The following ACTN2 variants were observed in gnomAD, a reference collection of about 807,000 sequenced individuals.
ACTN2 encodes alpha-actinin-2.
ACTN2 carries 39 observed loss-of-function variants against 113.8 expected under a neutral mutation model. The observed-to-expected ratio is 0.34, with a 90% CI of 0.27 to 0.45. The LOEUF (loss-of-function observed/expected upper bound fraction) is 0.45, where lower values mean the gene tolerates loss of function less well. Among genes scored for constraint, ACTN2 ranks in the 20% least tolerant of loss-of-function variants. The pLI, the probability that ACTN2 is intolerant of heterozygous loss-of-function variation, is 1.00. For missense variants in ACTN2, 992 were observed against 1,177.9 expected (o/e 0.84, Z 2.31); for synonymous variants, 429 against 444.1 (o/e 0.97, Z 0.43).
intron 1 of ACTN2, among the ~76,000 whole-genome samples, chr1:236,715,199 C>A (rs373370008): frequency 1.3e-5 from 2 of 149,974 alleles, no homozygotes; most frequent in Admixed American, 1.3e-4. Flanking sequence ...GGTACATGTG[C>A]ACAACGTGTA....
In ACTN2 at chr1:236,709,253, T is replaced by TACACAC. The variant is rs376883077; in HGVS notation, c.127-8604_127-8603insCACACA. Among the ~76,000 whole-genome samples the TACACAC allele has an allele frequency of 4.7e-3, 330 of 70,156 alleles. 1 individual carries two copies. The highest frequency in any genetic ancestry group is 0.022 in the East Asian group (60 of 2,746). The allele number at this position is 70,156 out of a possible 152,430, so 46.0% of individuals were successfully genotyped here. A position where few individuals can be genotyped will look rare whatever the true frequency, so the allele number is the denominator to read the frequency against. On this transcript the variant is annotated intron_variant, in intron 1 of 20. Coordinates refer to ENST00000366578, the MANE Select transcript of ACTN2 (RefSeq NM_001103.4). Reference sequence around the variant, plus strand: ...ATATATATATATATATATATATATATATACACACACACACACACATATATA... The same window carrying TACACAC: ...ATATATATATATATATATATATATATACACACATACACACACACACACACATATATA...
chr1:236,727,581 C>A, intron 5 of ACTN2, 97 bp from the exon 6 acceptor site: 1 of 1,311,034 alleles, frequency 7.6e-7, no homozygotes, highest in South Asian at 1.2e-5. Context: ...TGCATGAAGT[C>A]AGACAGAAGG....
chr1:236,712,470 T>C (rs1201079435), intron 1 of ACTN2, among the ~76,000 whole-genome samples: 1 of 152,178 alleles, frequency 6.6e-6, no homozygotes, highest in East Asian at 1.9e-4. Flanking sequence ...AAATTGACCT[T>C]CTCTGGATTT....
At chr1:236,752,935 C>A (rs1049559552) in intron 15 of ACTN2, among the ~76,000 whole-genome samples, 1 of 152,084 alleles carries the variant, frequency 6.6e-6, no homozygotes, top group South Asian at 2.1e-4. Context: ...TTAAAGAAAA[C>A]AAAAAGACAA....
At chr1:236,704,687 G>A (rs1179666069) in intron 1 of ACTN2, among the ~76,000 whole-genome samples, 2 of 152,162 alleles carry the variant, frequency 1.3e-5, no homozygotes, top group East Asian at 3.9e-4. Flanking sequence ...ATGGGGGAAA[G>A]GGGTGCATAG....
In ACTN2 at chr1:236,754,673, G is replaced by T. The variant is rs1659500680; in HGVS notation, c.1975-346G>T. On this transcript the variant is annotated intron_variant, in intron 16 of 20. Coordinates refer to ENST00000366578, the MANE Select transcript of ACTN2 (RefSeq NM_001103.4). This position sits in a 1 kb window ranked among gnomAD's most constrained non-coding sequence, Gnocchi z 4.9. ...CAATCTGTCTGGCAGCTCCACCCAG[G>T]CAGCCCACCCCCAGCCTCCTCCAGA... 6.6e-6 allele frequency among the ~76,000 whole-genome samples: 1 copy of T among 151,818 alleles called. No homozygotes were observed. Among genetic ancestry groups the T allele is most frequent in the South Asian group, 2.1e-4 (1 of 4,832 alleles).
chr1:236,707,357 T>C (rs1217442975), intron 1 of ACTN2, among the ~76,000 whole-genome samples: 1 of 152,248 alleles, frequency 6.6e-6, no homozygotes, highest in African/African-American at 2.4e-5. Flanking sequence ...ATTCCATGAA[T>C]TGTGCTAAGC....
intron 1 of ACTN2, among the ~76,000 whole-genome samples, chr1:236,713,065 T>A (rs796753383): frequency 5.3e-5 from 8 of 152,082 alleles, no homozygotes; most frequent in African/African-American, 1.9e-4. Flanking sequence ...TATTTTACTG[T>A]AATAACTTAA....
intron 1 of ACTN2, among the ~76,000 whole-genome samples, chr1:236,715,100 G>C (rs1273402963): frequency 6.6e-6 from 1 of 152,068 alleles, no homozygotes; most frequent in East Asian, 1.9e-4. Context: ...AAGGAACAAA[G>C]GTGAGAGGAT....
chr1:236,700,037 G>C (rs2102868795), intron 1 of ACTN2, among the ~76,000 whole-genome samples: 1 of 152,168 alleles, frequency 6.6e-6, no homozygotes, highest in East Asian at 1.9e-4. Context: ...ACCTAGGTCT[G>C]CTTCACCTGT....
chr1:236,721,022 G>GTTTTTTT (rs869077774), intron 4 of ACTN2, among the ~76,000 whole-genome samples: 78 of 66,414 alleles, frequency 1.2e-3, no homozygotes, highest in Non-Finnish European at 1.3e-3. Flanking sequence ...TTTGTTTTTT[G>GTTTTTTT]TTTTTTTTTT....
At chr1:236,742,680 A>G (rs1421560663) in intron 10 of ACTN2, among the ~76,000 whole-genome samples, 1 of 152,238 alleles carries the variant, frequency 6.6e-6, no homozygotes, top group Non-Finnish European at 1.5e-5. Context: ...GATAACAACT[A>G]TGTTAGTCTT....
chr1:236,689,068 A>AAT (rs1159041429), intron 1 of ACTN2, among the ~76,000 whole-genome samples: 1 of 152,070 alleles, frequency 6.6e-6, no homozygotes, highest in Non-Finnish European at 1.5e-5. Context: ...AGGACTTTAT[A>AAT]AAAGTGTAAT....
intron 4 of ACTN2, among the ~76,000 whole-genome samples, chr1:236,724,663 C>T (rs1408800766): frequency 6.6e-6 from 1 of 152,210 alleles, no homozygotes; most frequent in East Asian, 1.9e-4. Flanking sequence ...GCTCACCCCC[C>T]AGTCTTTGGC....
At chr1:236,749,413 G>C in intron 14 of ACTN2, 149 bp downstream of exon 14, 1 of 988,078 alleles carries the variant, frequency 1.0e-6, no homozygotes, top group East Asian at 2.6e-5. Flanking sequence ...TTGAACCTTA[G>C]CTTAAAAATG....
Position 236,755,097 on chromosome 1 carries a change from A to G in ACTN2, c.2053A>G (p.Ile685Val), listed in dbSNP as rs1175154245. Residue 685 changes from isoleucine to valine, a missense_variant, in exon 17 of 21, where the codon ATC (isoleucine) becomes GTC (valine). Transcript: ENST00000366578. ...CCAGCTGAAGCAGTATGAGCACAAC[A>G]TCATCAACTATAAGAACAACATCGA... is the stretch of plus-strand genomic sequence containing the variant. The part of the protein sequence containing the change: ...MNQLKQYEHN[I>V]INYKNNIDKL... 1 of 1,614,088 alleles carries G rather than the reference A, an allele frequency of 6.2e-7. No individual in the cohort carries two copies. The highest frequency in any genetic ancestry group is 8.5e-7 in the Non-Finnish European group (1 of 1,180,048).
chr1:236,698,053 C>T (rs1657570109), intron 1 of ACTN2, among the ~76,000 whole-genome samples: 1 of 150,588 alleles, frequency 6.6e-6, no homozygotes, highest in Middle Eastern at 3.5e-3. Flanking sequence ...GGATTACAGG[C>T]GTGAGCCACC....
chr1:236,747,582 C>T, intron 12 of ACTN2, 85 bp from the exon 13 acceptor site: 1 of 1,206,378 alleles, frequency 8.3e-7, no homozygotes. Context: ...TTTTAAACTT[C>T]CCTGTTATTT....
At chr1:236,731,164 A>G (rs980748876) in intron 6 of ACTN2, 69 bp from the exon 7 acceptor site, 6 of 1,249,702 alleles carry the variant, frequency 4.8e-6, no homozygotes, top group South Asian at 1.2e-5. Context: ...GAGGTACATA[A>G]GAAACATTCT....
Sources: gnomAD v4.1 joint callset for allele counts (sites outside exome capture counted in the v4.1 genomes callset) on GRCh38, gnomAD v4.1.1 for gene constraint, Gnocchi (gnomAD v3.1) non-coding constraint, MANE v1.5 for transcripts, NCBI Gene and HGNC (gene_info 2026-07-23, HGNC 2026-07-21) for gene names.